Variants in OTC observed in about 807,000 individuals in gnomAD.
OTC encodes ornithine transcarbamylase, mitochondrial.
A neutral mutation model predicts 30.3 loss-of-function variants in OTC; 3 were observed. That is an observed-to-expected ratio of 0.10 (90% CI 0.05 to 0.26). The LOEUF is 0.26. Ranked by LOEUF, OTC falls within the 10% of genes least tolerant of loss-of-function variation. The pLI, the probability that OTC is intolerant of heterozygous loss-of-function variation, is 1.00. For missense variants in OTC, 194 were observed against 260.3 expected, an observed-to-expected ratio of 0.75 and a Z score of 1.75; for synonymous variants, 111 against 99.7, an observed-to-expected ratio of 1.11 and a Z score of -0.67.
At chrX:38,383,815 C>CAA (rs748723759) in intron 4 of OTC, among the ~76,000 whole-genome samples, 60 of 65,234 alleles carry the variant, frequency 9.2e-4, no homozygotes, top group African/African-American at 2.7e-3. Flanking sequence ...AAAGAAAAGA[C>CAA]AAAAAAAAAA....
chrX:38,327,698 C>T, the OTC span: 16 of 347,588 alleles, frequency 4.6e-5, no homozygotes, highest in African/African-American at 2.4e-4. Flanking sequence ...GAGAGGCGGC[C>T]ACGCCGCGCA....
intron 4 of OTC, among the ~76,000 whole-genome samples, chrX:38,396,812 C>T (rs2068460054): frequency 9.0e-6 from 1 of 111,587 alleles, no homozygotes; most frequent in African/African-American, 3.3e-5. Context: ...GGACATTTAA[C>T]TAAGTTAGTA....
At chrX:38,403,877 C>G in intron 6 of OTC, 137 bp downstream of exon 6, 1 of 639,253 alleles carries the variant, frequency 1.6e-6, no homozygotes, top group Non-Finnish European at 2.5e-6. Context: ...CGTTACCAGC[C>G]CTACTATTAA....
intron 1 of OTC, 48 bp from the exon 2 acceptor site, chrX:38,367,243 G>A (rs1455639515): frequency 9.4e-7 from 1 of 1,068,839 alleles, no homozygotes; most frequent in Non-Finnish European, 1.3e-6. Flanking sequence ...ATAGTACATG[G>A]GTCTTTTCTG....
intron 1 of OTC, among the ~76,000 whole-genome samples, chrX:38,359,826 T>A (rs1362456809): frequency 9.0e-6 from 1 of 111,598 alleles, no homozygotes; most frequent in Non-Finnish European, 1.9e-5. Flanking sequence ...TTTCTTATCA[T>A]CAGAACTTGG....
the OTC span, among the ~76,000 whole-genome samples, chrX:38,342,215 G>A: frequency 9.3e-6 from 1 of 107,616 alleles, no homozygotes; most frequent in Admixed American, 1.0e-4. Flanking sequence ...TAGAGCCGGG[G>A]TTTCACCACG....
chrX:38,384,367 CT>C (rs1340329401), intron 4 of OTC, among the ~76,000 whole-genome samples: 8 of 111,656 alleles, frequency 7.2e-5, no homozygotes, highest in African/African-American at 2.6e-4. Flanking sequence ...ATCTGACTTT[CT>C]TTTGTGTACG....
the OTC span, among the ~76,000 whole-genome samples, chrX:38,346,157 T>C: frequency 8.9e-6 from 1 of 111,934 alleles, no homozygotes; most frequent in South Asian, 3.7e-4. Context: ...ATTTAACAGA[T>C]ATTTTACCAA....
intron 4 of OTC, among the ~76,000 whole-genome samples, chrX:38,393,104 C>A (rs1321577330): frequency 8.9e-6 from 1 of 112,017 alleles, no homozygotes; most frequent in African/African-American, 3.2e-5. Flanking sequence ...AATTCTGATG[C>A]ATATTCAAAT....
chrX:38,375,780 A>G (rs1485959745), intron 3 of OTC, among the ~76,000 whole-genome samples: 1 of 111,619 alleles, frequency 9.0e-6, no homozygotes, highest in Non-Finnish European at 1.9e-5. Context: ...GCCTAGAGAT[A>G]TTTGAGTGTC....
chrX:38,354,116 G>C (rs1038304165), intron 1 of OTC, among the ~76,000 whole-genome samples: 2 of 112,095 alleles, frequency 1.8e-5, no homozygotes, highest in Non-Finnish European at 3.8e-5. Context: ...ATTACAGGGT[G>C]GTTCAATCAT....
chrX:38,354,065 A>G (rs985805135), intron 1 of OTC, among the ~76,000 whole-genome samples: 3 of 112,000 alleles, frequency 2.7e-5, no homozygotes, highest in African/African-American at 9.7e-5. Context: ...ATGTTGTTTC[A>G]CCTATAAAAT....
intron 9 of OTC, 43 bp from the exon 10 acceptor site, chrX:38,420,980 G>C: frequency 9.8e-7 from 1 of 1,024,986 alleles, no homozygotes; most frequent in African/African-American, 1.8e-5. Context: ...GCAGACTGTC[G>C]CTAATGTTTA....
intron 6 of OTC, 115 bp from the exon 7 acceptor site, chrX:38,408,627 G>C: frequency 1.9e-6 from 1 of 517,365 alleles, no homozygotes; most frequent in East Asian, 3.7e-5. Context: ...GAACATGGTG[G>C]GACCACATCT....
the OTC span, among the ~76,000 whole-genome samples, chrX:38,332,532 A>ATATATATATATATATATC: frequency 1.1e-5 from 1 of 90,356 alleles, no homozygotes; most frequent in Non-Finnish European, 2.2e-5. Context: ...ATATATATAT[A>ATATATATATATATATATC]TCATATAACA....
chrX:38,388,404 A>G (rs966507178), intron 4 of OTC, among the ~76,000 whole-genome samples: 1 of 109,706 alleles, frequency 9.1e-6, no homozygotes, highest in East Asian at 2.8e-4. Context: ...TTTGTCATTT[A>G]CCAGGTGCTC....
intron 1 of OTC, among the ~76,000 whole-genome samples, chrX:38,366,554 C>T (rs1050482597): frequency 8.9e-6 from 1 of 111,776 alleles, no homozygotes; most frequent in Non-Finnish European, 1.9e-5. Context: ...TAAAAGTTAT[C>T]AAATACTTAT....
At chrX:38,371,622 G>A (rs11795557) in intron 3 of OTC, among the ~76,000 whole-genome samples, 19,936 of 111,295 alleles carry the variant, frequency 0.18, 1,565 homozygotes, top group Middle Eastern at 0.26. Flanking sequence ...GGGATTAAGC[G>A]ACTTGCCAAA....
intron 9 of OTC, among the ~76,000 whole-genome samples, chrX:38,419,336 A>G (rs895910425): frequency 3.6e-5 from 4 of 112,159 alleles, no homozygotes; most frequent in African/African-American, 1.3e-4. Context: ...GTGGTTCCCT[A>G]CAAACTTAAG....
Sources: allele counts gnomAD v4.1 joint callset (sites outside exome capture counted in the v4.1 genomes callset), GRCh38; gene constraint gnomAD v4.1.1; transcripts MANE v1.5; gene names NCBI Gene and HGNC (gene_info 2026-07-23, HGNC 2026-07-21).